PRKN: variants seen among roughly 807,000 people sequenced by gnomAD.
The protein encoded by PRKN is E3 ubiquitin-protein ligase parkin.
A neutral mutation model predicts 59.5 loss-of-function variants in PRKN; 56 were observed. The observed-to-expected ratio is 0.94, with a 90% CI of 0.76 to 1.18. PRKN has a LOEUF of 1.18. Among genes scored for constraint, PRKN ranks in the 50% most tolerant of loss-of-function variants. The pLI is 0.00. For synonymous variants in PRKN, 250 were observed against 222.1 expected, an observed-to-expected ratio of 1.13 and a Z score of -1.12; for missense variants, 657 against 596.4, an observed-to-expected ratio of 1.10 and a Z score of -1.06.
At chr6:161,822,825 C>T (rs995588063) in intron 6 of PRKN, among the ~76,000 whole-genome samples, 2 of 152,162 alleles carry the variant, frequency 1.3e-5, no homozygotes, top group African/African-American at 4.8e-5. Context: ...TGTTAAAAAC[C>T]CTTTTATCAT....
chr6:162,399,459 A>G (rs1296575625), intron 2 of PRKN, among the ~76,000 whole-genome samples: 2 of 152,136 alleles, frequency 1.3e-5, no homozygotes, highest in African/African-American at 4.8e-5. Context: ...CTACTGCTCT[A>G]CGCCCCACCA....
intron 2 of PRKN, among the ~76,000 whole-genome samples, chr6:162,296,406 A>G (rs1156504959): frequency 1.3e-5 from 2 of 152,014 alleles, no homozygotes; most frequent in South Asian, 2.1e-4. Flanking sequence ...TCTGATACTC[A>G]TATCACTCAT....
At chr6:162,377,255 C>T (rs1786159804) in intron 2 of PRKN, among the ~76,000 whole-genome samples, 1 of 152,174 alleles carries the variant, frequency 6.6e-6, no homozygotes, top group African/African-American at 2.4e-5. Flanking sequence ...GCTGACTAGG[C>T]TATGTGAATG....
chr6:162,141,263 C>T lies in PRKN; in HGVS notation c.534+59868G>A, dbSNP rs115023169. Among the ~76,000 whole-genome samples the T allele has an allele frequency of 2.7e-3, 413 of 152,254 alleles. 1 individual carries two copies. The highest frequency in any genetic ancestry group is 9.4e-3 in the African/African-American group (389 of 41,560). On this transcript the variant is annotated intron_variant, in intron 4 of 11. Transcript: ENST00000366898. ...ACTTTCATGCAACTTCCCCAAAATTCTCTCAAAAGTAAGTTTTCTGGGTTT... is the reference window on the plus strand; with the variant it reads ...ACTTTCATGCAACTTCCCCAAAATTTTCTCAAAAGTAAGTTTTCTGGGTTT...
intron 5 of PRKN, among the ~76,000 whole-genome samples, chr6:162,023,580 G>A (rs1374647142): frequency 1.3e-5 from 2 of 152,068 alleles, no homozygotes; most frequent in Non-Finnish European, 2.9e-5. Flanking sequence ...CCCTCTCCAC[G>A]ACTAGCGGCT....
intron 7 of PRKN, among the ~76,000 whole-genome samples, chr6:161,663,153 G>A (rs906965054): frequency 3.9e-5 from 6 of 152,192 alleles, no homozygotes; most frequent in African/African-American, 1.4e-4. Flanking sequence ...AGGCTTCCCA[G>A]TCACGTGGAA....
In PRKN at chr6:161,926,393, T is replaced by C. The variant is rs561608508; in HGVS notation, c.734+46909A>G. Reference sequence around the variant, plus strand: ...GTCTGTTGTGGTTATTAGACTGAGGTCATCTCCCTCACTTGACTTACCCTC... The same window carrying C: ...GTCTGTTGTGGTTATTAGACTGAGGCCATCTCCCTCACTTGACTTACCCTC... On this transcript the variant is annotated intron_variant, in intron 6 of 11. Transcript: ENST00000366898. Among the ~76,000 whole-genome samples the C allele has an allele frequency of 4.1e-4, 62 of 152,274 alleles. 1 individual carries two copies. In the South Asian group the frequency reaches 0.012, roughly 30 times the overall value.
At chr6:162,067,680 G>A (rs1405040773) in intron 4 of PRKN, among the ~76,000 whole-genome samples, 8 of 152,100 alleles carry the variant, frequency 5.3e-5, no homozygotes, top group Admixed American at 2.6e-4. Context: ...ATGGTGTAAC[G>A]AATATATGCC....
chr6:161,977,541 GGTTTT>G (rs1562433371), intron 5 of PRKN, among the ~76,000 whole-genome samples: 3 of 98,714 alleles, frequency 3.0e-5, no homozygotes, highest in African/African-American at 9.2e-5. Flanking sequence ...CTGTTTTTTT[GGTTTT>G]TTTTTTTTTT....
At chr6:162,088,263 C>A (rs571163435) in intron 4 of PRKN, among the ~76,000 whole-genome samples, 58 of 152,114 alleles carry the variant, frequency 3.8e-4, no homozygotes, top group Non-Finnish European at 7.5e-4. Flanking sequence ...ACCCTGATGA[C>A]CAAAGGGGTG....
At chr6:162,212,632 T>C (rs549664095) in intron 3 of PRKN, among the ~76,000 whole-genome samples, 194 of 152,304 alleles carry the variant, frequency 1.3e-3, no homozygotes, top group Non-Finnish European at 2.1e-3. Flanking sequence ...TAAACATGCT[T>C]ATATACAGTC....
rs368521400 is a variant in PRKN, at chr6:162,726,642, G to T, written c.7+1020C>A. ...GTAAGAAGTGTTTTCAGTGCATAAA[G>T]ATCATATACTTTATAAATCCACCTC... On this transcript the variant is annotated intron_variant, in intron 1 of 11. Transcript: ENST00000366898. 3.3e-5 allele frequency among the ~76,000 whole-genome samples: 5 copies of T among 152,276 alleles called. No homozygotes were observed. The South Asian group carries it at 8.3e-4, about 25-fold the overall frequency.
chr6:161,810,001 T>A (rs948044694), intron 6 of PRKN, among the ~76,000 whole-genome samples: 1 of 152,256 alleles, frequency 6.6e-6, no homozygotes, highest in African/African-American at 2.4e-5. Context: ...TTCATACTCA[T>A]ACATACATAG....
chr6:162,193,911 G>A (rs910038125), intron 4 of PRKN, among the ~76,000 whole-genome samples: 12 of 152,148 alleles, frequency 7.9e-5, no homozygotes, highest in African/African-American at 2.7e-4. Flanking sequence ...AGGAAGAGAA[G>A]AGGTGTTCAC....
intron 9 of PRKN, among the ~76,000 whole-genome samples, chr6:161,408,170 A>G (rs1787362600): frequency 6.6e-6 from 1 of 152,192 alleles, no homozygotes; most frequent in African/African-American, 2.4e-5. Context: ...GAACACAGGA[A>G]AAATTCGGCC....
chr6:162,196,573 T>C (rs1444059911), intron 4 of PRKN, among the ~76,000 whole-genome samples: 1 of 152,170 alleles, frequency 6.6e-6, no homozygotes, highest in African/African-American at 2.4e-5. Flanking sequence ...TAAAGGATTA[T>C]AGTCTAGTCC....
chr6:161,355,682 AGGCGTGAGTCACCACGCCC>A lies in PRKN; in HGVS notation c.1285+4387_1285+4405del, dbSNP rs1437512659. 4.1e-4 allele frequency among the ~76,000 whole-genome samples: 63 copies of A among 152,172 alleles called. No individual in the cohort carries two copies. Among genetic ancestry groups the A allele is most frequent in the Non-Finnish European group, 8.2e-4 (56 of 68,030 alleles). ...CGGCCTCCCAAAGTGCTGGGATTAC[AGGCGTGAGTCACCACGCCC>A]GGCCTACAAGCTAAGTTTTAATTCA... On this transcript the variant is annotated intron_variant, in intron 11 of 11. Transcript: ENST00000366898. This position sits in a 1 kb window ranked among gnomAD's most constrained non-coding sequence, Gnocchi z 6.8.
intron 10 of PRKN, among the ~76,000 whole-genome samples, chr6:161,381,470 G>A (rs1419838244): frequency 6.6e-6 from 1 of 152,194 alleles, no homozygotes; most frequent in Non-Finnish European, 1.5e-5. Flanking sequence ...ACGTGAAAGT[G>A]CTTTGTAATC....
chr6:162,675,757 T>C (rs1274522733), intron 1 of PRKN, among the ~76,000 whole-genome samples: 1 of 152,158 alleles, frequency 6.6e-6, no homozygotes, highest in Non-Finnish European at 1.5e-5. Context: ...AACTGTAATA[T>C]ACTTTTGGGA....
Sources: allele counts gnomAD v4.1 joint callset (sites outside exome capture counted in the v4.1 genomes callset), GRCh38; gene constraint gnomAD v4.1.1; non-coding constraint Gnocchi (gnomAD v3.1); transcripts MANE v1.5; gene names NCBI Gene and HGNC (gene_info 2026-07-23, HGNC 2026-07-21).